Variants in NARS2 observed in about 807,000 individuals in gnomAD.
The protein encoded by NARS2 is asparaginyl-tRNA synthetase 2, mitochondrial, also known as asparaginyl-tRNA synthetase.
A neutral mutation model predicts 62.9 loss-of-function variants in NARS2; 60 were observed. The ratio of observed to expected loss-of-function variants is 0.95; its 90% CI spans 0.77 to 1.18. The LOEUF (loss-of-function observed/expected upper bound fraction) is 1.18. Ranked by LOEUF, NARS2 falls within the 50% of genes most tolerant of loss-of-function variation. NARS2 has a pLI of 0.00. For synonymous variants in NARS2, 196 were observed against 200.0 expected, an observed-to-expected ratio of 0.98 and a Z score of 0.17; for missense variants, 619 against 576.4, an observed-to-expected ratio of 1.07 and a Z score of -0.76.
chr11:78,571,613 A>C (rs1856926020), intron 1 of NARS2, 169 bp from the exon 2 acceptor site: 5 of 548,734 alleles, frequency 9.1e-6, no homozygotes, highest in Non-Finnish European at 9.9e-6. Context: ...TTCCAATCAC[A>C]ATAGGATACA....
chr11:78,455,050 T>C (rs555662718), intron 11 of NARS2, among the ~76,000 whole-genome samples: 10 of 152,230 alleles, frequency 6.6e-5, no homozygotes, highest in Non-Finnish European at 1.5e-4. Context: ...GTTGAGATTA[T>C]AAGCAAAAGT....
At chr11:78,494,469 CTTTTT>C (rs11437113) in intron 6 of NARS2, among the ~76,000 whole-genome samples, 3 of 133,222 alleles carry the variant, frequency 2.3e-5, no homozygotes, top group African/African-American at 5.6e-5. Flanking sequence ...TTTTCTTTTT[CTTTTT>C]TTTTTTTTTT....
At chr11:78,561,698 G>A (rs542319851) in intron 4 of NARS2, among the ~76,000 whole-genome samples, 1 of 152,284 alleles carries the variant, frequency 6.6e-6, no homozygotes, top group South Asian at 2.1e-4. Flanking sequence ...AAAAGGAAAC[G>A]TGAAAGGAAT....
At chr11:78,524,135 T>C (rs1861220575) in intron 6 of NARS2, among the ~76,000 whole-genome samples, 2 of 152,138 alleles carry the variant, frequency 1.3e-5, no homozygotes, top group Non-Finnish European at 2.9e-5. Flanking sequence ...AAAATATTTT[T>C]TAAAAATAAG....
intron 10 of NARS2, among the ~76,000 whole-genome samples, chr11:78,467,192 A>G (rs1858656216): frequency 6.6e-6 from 1 of 152,220 alleles, no homozygotes; most frequent in South Asian, 2.1e-4. Context: ...TGCCTCCAAC[A>G]TTATACATAT....
rs760776161 is a variant in NARS2 at position 78,478,599 on chromosome 11, C to G, written c.907G>C (p.Ala303Pro). The change falls in exon 8 of 14, where the codon GCA (alanine) becomes CCA (proline). Residue 303 changes from alanine to proline, a missense_variant. Physicochemically the swap from Ala to Pro is conservative, Grantham distance 27. Coordinates refer to ENST00000281038, the MANE Select transcript of NARS2 (RefSeq NM_024678.6). ...AAACTAATTACCTTTTGGCCAGGTG[C>G]TATGAATTTGTGACAGAGTTCAACA... The part of the protein sequence containing the change: ...EDVELCHKFI[A>P]PGQKDRLEHM... 7 of 1,609,202 alleles carry G rather than the reference C, an allele frequency of 4.3e-6. No individual in the cohort carries two copies. The South Asian group carries it at 7.7e-5, about 18-fold the overall frequency.
chr11:78,511,609 CG>C (rs1860724104), intron 6 of NARS2, among the ~76,000 whole-genome samples: 1 of 151,786 alleles, frequency 6.6e-6, no homozygotes, highest in Non-Finnish European at 1.5e-5. Context: ...CCCAGCTACT[CG>C]AGAGGCTGAG....
chr11:78,546,712 C>T (rs2135478760), intron 5 of NARS2: 1 of 152,286 alleles, frequency 6.6e-6, no homozygotes, highest in African/African-American at 2.4e-5. Flanking sequence ...CCCAATCTTA[C>T]CAATTTGCCT....
At chr11:78,459,299 T>A (rs1217587339) in intron 11 of NARS2, among the ~76,000 whole-genome samples, 1 of 150,894 alleles carries the variant, frequency 6.6e-6, no homozygotes, top group Non-Finnish European at 1.5e-5. Context: ...AGACAGAGTT[T>A]TGCTCTTGTT....
intron 4 of NARS2, among the ~76,000 whole-genome samples, chr11:78,562,639 G>T (rs914983637): frequency 6.6e-6 from 1 of 152,144 alleles, no homozygotes; most frequent in Non-Finnish European, 1.5e-5. Flanking sequence ...GAAAAAATTG[G>T]TGCCTAAAGA....
intron 6 of NARS2, among the ~76,000 whole-genome samples, chr11:78,526,267 T>C (rs1261867175): frequency 1.3e-5 from 2 of 152,106 alleles, no homozygotes; most frequent in African/African-American, 4.8e-5. Flanking sequence ...TATTCCAACA[T>C]AGAATATTTA....
intron 5 of NARS2, among the ~76,000 whole-genome samples, chr11:78,535,855 G>A (rs1385425758): frequency 1.3e-5 from 2 of 152,018 alleles, no homozygotes; most frequent in Admixed American, 1.3e-4. Flanking sequence ...GACCTCAGGT[G>A]ATCCACCCAC....
At chr11:78,439,979 G>A (rs1186075436) in intron 13 of NARS2, among the ~76,000 whole-genome samples, 2 of 152,184 alleles carry the variant, frequency 1.3e-5, no homozygotes, top group Non-Finnish European at 2.9e-5. Flanking sequence ...GTTCGTGGGG[G>A]CATTAGGGAT....
intron 5 of NARS2, among the ~76,000 whole-genome samples, chr11:78,540,078 T>C (rs1409903771): frequency 6.6e-6 from 1 of 152,142 alleles, no homozygotes; most frequent in Non-Finnish European, 1.5e-5. Flanking sequence ...GTTAGTGCAA[T>C]AAAACTTAAC....
intron 7 of NARS2, among the ~76,000 whole-genome samples, chr11:78,490,975 T>C (rs1859794248): frequency 6.6e-6 from 1 of 152,160 alleles, no homozygotes; most frequent in African/African-American, 2.4e-5. Context: ...TTTTTACTAA[T>C]ATAACTGAGA....
At chr11:78,447,225 G>A (rs1318332355) in intron 11 of NARS2, among the ~76,000 whole-genome samples, 1 of 150,510 alleles carries the variant, frequency 6.6e-6, no homozygotes, top group Non-Finnish European at 1.5e-5. Flanking sequence ...TTGCTGTGTT[G>A]CTCAGGCTGG....
chr11:78,478,528 G>T, intron 8 of NARS2, 53 bp from the exon 9 acceptor site: 3 of 1,280,392 alleles, frequency 2.3e-6, no homozygotes, highest in Non-Finnish European at 2.2e-6. Context: ...TATTCATTAT[G>T]TATAATTAAC....
chr11:78,455,298 A>G (rs1301135105), intron 11 of NARS2, among the ~76,000 whole-genome samples: 1 of 152,180 alleles, frequency 6.6e-6, no homozygotes, highest in Non-Finnish European at 1.5e-5. Flanking sequence ...TAGAATTTTA[A>G]TTTTTAAAGC....
intron 4 of NARS2, among the ~76,000 whole-genome samples, chr11:78,561,507 C>G (rs1181170002): frequency 6.6e-6 from 1 of 152,156 alleles, no homozygotes; most frequent in Non-Finnish European, 1.5e-5. Flanking sequence ...CACCCATCAC[C>G]TCCAAGTATT....
Sources: allele counts gnomAD v4.1 joint callset (sites outside exome capture counted in the v4.1 genomes callset), GRCh38; gene constraint gnomAD v4.1.1; transcripts MANE v1.5; gene names NCBI Gene and HGNC (gene_info 2026-07-23, HGNC 2026-07-21).